The following DZIP3 variants were observed in gnomAD, a reference collection of about 807,000 sequenced individuals.
DZIP3 encodes the protein E3 ubiquitin-protein ligase DZIP3.
A neutral mutation model predicts 162.0 loss-of-function variants in DZIP3; 118 were observed. That is an observed-to-expected ratio of 0.73 (90% CI 0.63 to 0.85). DZIP3 has a LOEUF of 0.85. Ranked by LOEUF, DZIP3 falls within the 40% of genes least tolerant of loss-of-function variation. The pLI is 0.00. For synonymous variants in DZIP3, 438 were observed against 458.6 expected, an observed-to-expected ratio of 0.96 and a Z score of 0.57; for missense variants, 1,331 against 1,407.0, an observed-to-expected ratio of 0.95 and a Z score of 0.86.
At chr3:108,610,352 G>A (rs1175983986) in intron 3 of DZIP3, among the ~76,000 whole-genome samples, 1 of 152,056 alleles carries the variant, frequency 6.6e-6, no homozygotes, top group African/African-American at 2.4e-5. Context: ...TCTTTTCCTT[G>A]TGGCAATGAC....
intron 12 of DZIP3, among the ~76,000 whole-genome samples, chr3:108,640,469 G>A (rs569279446): frequency 7.7e-6 from 1 of 129,732 alleles, no homozygotes; most frequent in African/African-American, 3.0e-5. Context: ...TTTTTGAGAC[G>A]GAGTCTCGCC....
intron 26 of DZIP3, among the ~76,000 whole-genome samples, chr3:108,680,647 T>C (rs74389790): frequency 0.014 from 2,150 of 151,930 alleles, 54 homozygotes; most frequent in African/African-American, 0.048. Context: ...CACAAAGAAA[T>C]GGAAAAATAC....
chr3:108,619,268 CTGTGTGTGTGTA>C (rs1941197674), intron 5 of DZIP3, among the ~76,000 whole-genome samples: 1 of 149,618 alleles, frequency 6.7e-6, no homozygotes, highest in East Asian at 2.0e-4. Context: ...CTGGTTTTTG[CTGTGTGTGTGTA>C]TGTGTGTGGG....
At chr3:108,631,055 A>ACATACACT in intron 8 of DZIP3, among the ~76,000 whole-genome samples, 13 of 18,006 alleles carry the variant, frequency 7.2e-4, no homozygotes, top group Admixed American at 4.3e-3. Flanking sequence ...ACACACACAC[A>ACATACACT]CTCTCTCTCT....
chr3:108,687,092 A>G (rs1165524766), intron 28 of DZIP3, among the ~76,000 whole-genome samples: 1 of 152,124 alleles, frequency 6.6e-6, no homozygotes, highest in Non-Finnish European at 1.5e-5. Context: ...ATATTTAATT[A>G]TATTCCTACA....
intron 21 of DZIP3, among the ~76,000 whole-genome samples, chr3:108,669,050 G>A (rs962793860): frequency 6.6e-6 from 1 of 151,860 alleles, no homozygotes; most frequent in Non-Finnish European, 1.5e-5. Flanking sequence ...AAGTATATGC[G>A]TTTCTCTTAG....
In DZIP3 at chr3:108,684,350, T is replaced by C. The variant is rs1944426254; in HGVS notation, c.3009+9T>C. On this transcript the variant is annotated intron_variant, in intron 27 of 32. Transcript: ENST00000361582. ...AACCTAGAGCCCCCCTGGTAAAAGC[T>C]TTCTTGGTGGAATAGATGTTAATTA... The C allele has an allele frequency of 6.2e-7, 1 of 1,605,938 alleles. No homozygotes were observed. The highest frequency in any genetic ancestry group is 8.5e-7 in the Non-Finnish European group (1 of 1,177,488).
rs931257116 is a variant in DZIP3, at chr3:108,672,442, A to G, written c.2493-118A>G. 16 of 817,120 alleles carry G rather than the reference A, an allele frequency of 2.0e-5. No homozygotes were observed. In the African/African-American group the frequency reaches 2.6e-4, roughly 13 times the overall value. The allele number at this position is 817,120 out of a possible 1,614,324, so 50.6% of individuals were successfully genotyped here. ...CTTCTCTTGTTTCTATGTGCTCTAT[A>G]CTTTTCCAAGAAATAATTTCCTACT... On this transcript the variant is annotated intron_variant, in intron 22 of 32. Coordinates refer to ENST00000361582, the MANE Select transcript of DZIP3 (RefSeq NM_014648.4).
chr3:108,658,230 A>G (rs1368420361), intron 19 of DZIP3, among the ~76,000 whole-genome samples: 1 of 152,236 alleles, frequency 6.6e-6, no homozygotes, highest in African/African-American at 2.4e-5. Flanking sequence ...AATTGACCAC[A>G]TAGTTAGAAG....
intron 32 of DZIP3, among the ~76,000 whole-genome samples, chr3:108,691,554 C>T (rs1251006345): frequency 6.6e-6 from 1 of 152,134 alleles, no homozygotes; most frequent in African/African-American, 2.4e-5. Flanking sequence ...TAAGGATGTC[C>T]TTTTCCTCCA....
chr3:108,656,539 G>A (rs1943129278), intron 19 of DZIP3, among the ~76,000 whole-genome samples: 1 of 146,432 alleles, frequency 6.8e-6, no homozygotes, highest in Non-Finnish European at 1.5e-5. Flanking sequence ...CCACAAAGAT[G>A]GGGAAAAAAC....
chr3:108,687,748 A>G (rs922867672), intron 28 of DZIP3, among the ~76,000 whole-genome samples: 1 of 152,234 alleles, frequency 6.6e-6, no homozygotes, highest in African/African-American at 2.4e-5. Flanking sequence ...TTTATCACTC[A>G]TGAAAACATT....
chr3:108,635,903 A>G (rs1334074731), intron 10 of DZIP3, among the ~76,000 whole-genome samples: 1 of 151,672 alleles, frequency 6.6e-6, no homozygotes, highest in African/African-American at 2.4e-5. Flanking sequence ...TTGAATATGG[A>G]GTTGGGAGAT....
intron 12 of DZIP3, among the ~76,000 whole-genome samples, chr3:108,638,568 C>T (rs890249175): frequency 3.3e-5 from 5 of 152,146 alleles, no homozygotes; most frequent in African/African-American, 9.7e-5. Flanking sequence ...CTGCCTGCCT[C>T]GGCCTCCCAA....
In DZIP3 at chr3:108,644,497, C is replaced by T. The variant is rs201852715; in HGVS notation, c.1475C>T (p.Pro492Leu). 240 of 1,613,974 alleles carry T rather than the reference C, an allele frequency of 1.5e-4. No individual in the cohort carries two copies. Among genetic ancestry groups the T allele is most frequent in the Non-Finnish European group, 1.9e-4 (221 of 1,179,996 alleles). The change falls in exon 14 of 33, where the codon CCA (proline) becomes CTA (leucine). Residue 492 changes from proline to leucine, a missense_variant. Around this residue, in one of 2 missense-constraint regions of DZIP3, gnomAD observed 1,278 missense variants for 1,317.1 expected, o/e 0.97. Coordinates refer to ENST00000361582, the MANE Select transcript of DZIP3 (RefSeq NM_014648.4). ...APKKGWNMEP[P>L]SSDISKSADI... Reference sequence around the variant, plus strand: ...AAAAAAGGATGGAATATGGAACCGCCATCTTCTGACATCTCTAAATCTGCA... The same window carrying T: ...AAAAAAGGATGGAATATGGAACCGCTATCTTCTGACATCTCTAAATCTGCA...
chr3:108,631,725 C>G (rs1941900615), intron 8 of DZIP3, among the ~76,000 whole-genome samples: 1 of 150,186 alleles, frequency 6.7e-6, no homozygotes, highest in African/African-American at 2.4e-5. Flanking sequence ...AACTTCTAAT[C>G]AACTTCTAAG....
intron 19 of DZIP3, 200 bp downstream of exon 19, chr3:108,654,510 T>A: frequency 1.9e-6 from 1 of 534,946 alleles, no homozygotes; most frequent in Non-Finnish European, 3.3e-6. Context: ...AGCTGGAAAC[T>A]TCACTTTAGC....
chr3:108,626,099 T>A, intron 7 of DZIP3, 130 bp downstream of exon 7: 1 of 1,053,178 alleles, frequency 9.5e-7, no homozygotes, highest in Non-Finnish European at 1.3e-6. Flanking sequence ...CTTCTTTGCC[T>A]ATTTGTATAG....
chr3:108,648,866 C>A, intron 16 of DZIP3, 52 bp from the exon 17 acceptor site: 1 of 1,022,460 alleles, frequency 9.8e-7, no homozygotes. Context: ...TGCAAAATAA[C>A]CCATTGGGCA....
Sources: gnomAD v4.1 joint callset for allele counts (sites outside exome capture counted in the v4.1 genomes callset) on GRCh38, gnomAD v4.1.1 for gene constraint, gnomAD v4.1.1 regional missense constraint, MANE v1.5 for transcripts, NCBI Gene and HGNC (gene_info 2026-07-23, HGNC 2026-07-21) for gene names.